The following BAHCC1 variants were observed in gnomAD, a reference collection of about 807,000 sequenced individuals.
BAHCC1 encodes BAH domain and coiled-coil containing 1.
BAHCC1 carries 43 observed loss-of-function variants against 88.2 expected under a neutral mutation model. The ratio of observed to expected loss-of-function variants is 0.49; its 90% CI spans 0.38 to 0.63. The LOEUF (loss-of-function observed/expected upper bound fraction) is 0.63, where lower values mean the gene tolerates loss of function less well. BAHCC1 is among the 20% of genes least tolerant of loss of function. The pLI is 0.00. For synonymous variants in BAHCC1, 1,510 were observed against 745.5 expected (o/e 2.03, Z -16.71); for missense variants, 3,023 against 1,654.8 (o/e 1.83, Z -14.34).
rs2063889102 is a variant in BAHCC1 at position 81,407,007 on chromosome 17, T to G, written c.178+7090T>G. ...CAAACAGGTGGGCTGGGTTCCTGCCTTCCCTTCTCTCCCCTAGGATCCCCC... is the reference window on the plus strand; with the variant it reads ...CAAACAGGTGGGCTGGGTTCCTGCCGTCCCTTCTCTCCCCTAGGATCCCCC... On this transcript the variant is annotated intron_variant, in intron 2 of 27. Coordinates refer to ENST00000675386, the MANE Select transcript of BAHCC1 (RefSeq NM_001377448.1). 8.8e-6 allele frequency: 4 copies of G among 456,120 alleles called. No individual in the cohort carries two copies. In the Admixed American group the frequency reaches 9.4e-5, roughly 11 times the overall value. The allele number at this position is 456,120 out of a possible 1,614,324, so 28.3% of individuals were successfully genotyped here. A position where few individuals can be genotyped will look rare whatever the true frequency, so the allele number is the denominator to read the frequency against.
chr17:81,427,690 C>A (rs1387932529), intron 3 of BAHCC1, among the ~76,000 whole-genome samples: 1 of 152,326 alleles, frequency 6.6e-6, no homozygotes, highest in African/African-American at 2.4e-5. Flanking sequence ...ATTCCCTCGG[C>A]CACCCCAACC....
chr17:81,438,492 GGCAAGT>G lies in BAHCC1; in HGVS notation c.481+4_481+9del. On this transcript the variant is annotated splice_donor_variant and splice_donor_5th_base_variant and intron_variant, in intron 4 of 27. Coordinates refer to ENST00000675386, the MANE Select transcript of BAHCC1 (RefSeq NM_001377448.1). LOFTEE classifies it high-confidence loss of function. ...GCACCGTTTCTATGGAACCCAAAAA[GGCAAGT>G]GCAGCATGGGACCGGCGTGGGGAGC... 2.6e-6 allele frequency: 2 copies of G among 768,554 alleles called. No homozygotes were observed. The highest frequency in any genetic ancestry group is 4.8e-6 in the Non-Finnish European group (2 of 412,844). 47.6% of individuals were successfully genotyped at this position (768,554 alleles called of 1,614,324 possible).
rs79655216 is a variant in BAHCC1 at position 81,456,716 on chromosome 17, G to A, written c.4858+131G>A. The A allele has an allele frequency of 2.0e-3, 1,165 of 586,934 alleles. 3 individuals are homozygous for A. The highest frequency in any genetic ancestry group is 0.019 in the African/African-American group (1,005 of 52,804). 36.4% of individuals were successfully genotyped at this position (586,934 alleles called of 1,614,324 possible). A position where few individuals can be genotyped will look rare whatever the true frequency, so the allele number is the denominator to read the frequency against. On this transcript the variant is annotated intron_variant, in intron 16 of 27. Transcript: ENST00000675386. ...GGCTTGTGGGGTGTGACAGGTCCAA[G>A]GAGACGTTTTCACTGAACAGGCTGG...
chr17:81,444,990 G>C (rs145338442), intron 8 of BAHCC1, 25 bp from the exon 9 acceptor site: 17 of 726,268 alleles, frequency 2.3e-5, no homozygotes, highest in Non-Finnish European at 4.3e-5. Flanking sequence ...CAGCCAGGCT[G>C]ACCCCTCCTG....
intron 1 of BAHCC1, among the ~76,000 whole-genome samples, chr17:81,398,308 C>A (rs2063767030): frequency 1.3e-5 from 2 of 152,218 alleles, no homozygotes; most frequent in Admixed American, 6.5e-5. Flanking sequence ...CTAAAATTGT[C>A]CCCAATTTCG....
intron 2 of BAHCC1, among the ~76,000 whole-genome samples, chr17:81,400,364 T>TA (rs1316880604): frequency 6.6e-6 from 1 of 152,038 alleles, no homozygotes; most frequent in African/African-American, 2.4e-5. Context: ...CCTCGCGGAT[T>TA]AGAGTGGTGT....
chr17:81,405,174 T>C (rs1407647543), intron 2 of BAHCC1, among the ~76,000 whole-genome samples: 4 of 152,208 alleles, frequency 2.6e-5, no homozygotes, highest in African/African-American at 9.6e-5. Flanking sequence ...TTCAAGCCAT[T>C]GTCGTGCCTC....
chr17:81,447,045 C>T lies in BAHCC1; in HGVS notation c.3173C>T (p.Pro1058Leu), dbSNP rs1555654588. 2.6e-6 allele frequency: 2 copies of T among 779,202 alleles called. No homozygotes were observed. Among genetic ancestry groups the T allele is most frequent in the Non-Finnish European group, 4.8e-6 (2 of 417,934 alleles). 48.3% of individuals were successfully genotyped at this position (779,202 alleles called of 1,614,324 possible). Residue 1058 changes from proline (P) to leucine (L), a missense_variant, in exon 11 of 28, where the codon CCC becomes CTC. By Grantham distance (98) the Pro-to-Leu change is moderately conservative. Coordinates refer to ENST00000675386, the MANE Select transcript of BAHCC1 (RefSeq NM_001377448.1). ...GTCCCCTCCTTTGCAGACCTGCCTC[C>T]CGGATACCTGCGCCCCATGGCTGGC... The part of the protein sequence containing the change: ...DIITSEPDLP[P>L]GYLRPMAGLG...
At chr17:81,409,870 C>T (rs1224935721) in intron 2 of BAHCC1, among the ~76,000 whole-genome samples, 3 of 152,208 alleles carry the variant, frequency 2.0e-5, no homozygotes, top group Non-Finnish European at 4.4e-5. Context: ...GCCTCAGGCC[C>T]TTCACATTGT....
intron 11 of BAHCC1, among the ~76,000 whole-genome samples, chr17:81,448,395 C>T (rs923169020): frequency 2.0e-5 from 3 of 152,022 alleles, no homozygotes; most frequent in African/African-American, 4.8e-5. Context: ...AGCCGGACAA[C>T]AGTGGGCGGG....
At chr17:81,400,109 C>T (rs1187599584) in intron 2 of BAHCC1, among the ~76,000 whole-genome samples, 192 bp downstream of exon 2, 1 of 152,110 alleles carries the variant, frequency 6.6e-6, no homozygotes, top group Non-Finnish European at 1.5e-5. Context: ...CTTAGAGAGG[C>T]CCTTCCCTGG....
rs2030527128 is a variant in BAHCC1, at chr17:81,464,006, A to G, written c.*189A>G. The G allele has an allele frequency of 8.3e-6, 5 of 604,274 alleles. 1 individual carries two copies. The South Asian group carries it at 9.7e-5, about 12-fold the overall frequency. The allele number at this position is 604,274 out of a possible 1,614,324, so 37.4% of individuals were successfully genotyped here. Reference sequence around the variant, plus strand: ...CTGGAAAGAGCGCTCCAGGTGTCGGAATCCAGTCCCGTCCCATCCTCTGCG... The same window carrying G: ...CTGGAAAGAGCGCTCCAGGTGTCGGGATCCAGTCCCGTCCCATCCTCTGCG... On this transcript the variant is annotated 3_prime_UTR_variant, in exon 28 of 28. Coordinates refer to ENST00000675386, the MANE Select transcript of BAHCC1 (RefSeq NM_001377448.1).
Position 81,442,497 on chromosome 17 carries a change from C to A in BAHCC1, c.1148C>A (p.Ala383Asp). 2 of 715,248 alleles carry A rather than the reference C, an allele frequency of 2.8e-6. No homozygotes were observed. The highest frequency in any genetic ancestry group is 1.5e-5 in the South Asian group (1 of 66,618). The allele number at this position is 715,248 out of a possible 1,614,324, so 44.3% of individuals were successfully genotyped here. Residue 383 changes from alanine (A) to aspartate (D), a missense_variant, in exon 5 of 28, where the codon GCC (alanine) becomes GAC (aspartate). Coordinates refer to ENST00000675386, the MANE Select transcript of BAHCC1 (RefSeq NM_001377448.1). The stretch of plus-strand genomic sequence containing the variant: ...GGGCTCTGCCCGCTGCAGGACAAAG[C>A]CCCCCGGGACCTAAAGGCCAGCGGG... The part of the protein sequence containing the change: ...PDGLCPLQDK[A>D]PRDLKASGPT...
intron 23 of BAHCC1, 78 bp from the exon 24 acceptor site, chr17:81,460,199 C>T (rs543884552): frequency 2.6e-5 from 18 of 691,170 alleles, no homozygotes; most frequent in South Asian, 1.9e-4. Flanking sequence ...CCCTCCCCAC[C>T]GGCTTTGGCA....
chr17:81,455,141 T>C (rs1342862098), intron 14 of BAHCC1, 126 bp from the exon 15 acceptor site: 1 of 627,582 alleles, frequency 1.6e-6, no homozygotes, highest in African/African-American at 1.8e-5. Flanking sequence ...CTGCTCTGTC[T>C]GCCCGAGACG....
In BAHCC1 at chr17:81,460,282, T is replaced by G. The variant is rs782350781; in HGVS notation, c.5911T>G (p.Ser1971Ala). 1.3e-6 allele frequency: 1 copy of G among 770,100 alleles called. No individual in the cohort carries two copies. Among genetic ancestry groups the G allele is most frequent in the South Asian group, 1.4e-5 (1 of 72,538 alleles). The allele number at this position is 770,100 out of a possible 1,614,324, so 47.7% of individuals were successfully genotyped here. A position where few individuals can be genotyped will look rare whatever the true frequency, so the allele number is the denominator to read the frequency against. Residue 1971 changes from serine to alanine, a missense_variant, in exon 24 of 28, where the codon TCC (serine) becomes GCC (alanine). Physicochemically the swap from Ser to Ala is moderately conservative, Grantham distance 99. Transcript: ENST00000675386. ...CTCAGGTGTGCCGTCCACAGGGGCC[T>G]CCGGTGACGAAGATGAGGACCTGGA... ...LYPGNVVRGA[S>A]GDEDEDLDSV... is the part of the protein sequence containing the mutation.
chr17:81,403,204 CT>C lies in BAHCC1; in HGVS notation c.178+3289del, dbSNP rs540641781. Among the ~76,000 whole-genome samples the C allele has an allele frequency of 1.3e-3, 200 of 152,328 alleles. 2 individuals carry two copies. Among genetic ancestry groups the C allele is most frequent in the Non-Finnish European group, 2.0e-3 (139 of 68,032 alleles). ...CCACATAGACAGCCCCCCGTCCTGG[CT>C]TCTGGCTGGGCCCGCTCCTGTCCTG... On this transcript the variant is annotated intron_variant, in intron 2 of 27. Coordinates refer to ENST00000675386, the MANE Select transcript of BAHCC1 (RefSeq NM_001377448.1).
intron 3 of BAHCC1, among the ~76,000 whole-genome samples, chr17:81,429,393 G>A (rs2064235404): frequency 1.3e-5 from 2 of 152,212 alleles, no homozygotes; most frequent in South Asian, 2.1e-4. Flanking sequence ...CCCTCCCTGC[G>A]GGGGTTCCCT....
intron 2 of BAHCC1, among the ~76,000 whole-genome samples, chr17:81,410,366 G>T (rs2063934875): frequency 6.6e-6 from 1 of 152,236 alleles, no homozygotes; most frequent in Non-Finnish European, 1.5e-5. Flanking sequence ...GTCCATCGAG[G>T]GATTCTGTGG....
Sources: gnomAD v4.1 joint callset for allele counts (sites outside exome capture counted in the v4.1 genomes callset) on GRCh38, gnomAD v4.1.1 for gene constraint, MANE v1.5 for transcripts, NCBI Gene and HGNC (gene_info 2026-07-23, HGNC 2026-07-21) for gene names.